Variants in PLXDC2 observed in about 807,000 individuals in gnomAD.
The protein encoded by PLXDC2 is plexin domain containing 2, also known as plexin domain-containing protein 2.
Under a neutral mutation model 68.9 loss-of-function variants are expected in PLXDC2, and 40 were observed. The observed-to-expected ratio is 0.58, with a 90% CI of 0.45 to 0.76. The LOEUF (loss-of-function observed/expected upper bound fraction) is 0.76. PLXDC2 is among the 30% of genes least tolerant of loss of function. The pLI, the probability that PLXDC2 is intolerant of heterozygous loss-of-function variation, is 0.00. For missense variants in PLXDC2, 644 were observed against 661.9 expected (o/e 0.97, Z 0.30); for synonymous variants, 243 against 234.2 (o/e 1.04, Z -0.34).
Position 20,217,589 on chromosome 10 carries a change from TAG to T in PLXDC2, c.1273+14_1273+15del. On this transcript the variant is annotated intron_variant, in intron 11 of 13. Coordinates refer to ENST00000377252, the MANE Select transcript of PLXDC2 (RefSeq NM_032812.9). ...CTCCCTACAGAAGGTACCCAAGAGA[TAG>T]TTTGCTTTTTTTTTTTTTTTTTTTT... 7.4e-7 allele frequency: 1 copy of T among 1,359,022 alleles called. No individual in the cohort carries two copies. The highest frequency in any genetic ancestry group is 2.6e-5 in the Admixed American group (1 of 37,888). The allele number at this position is 1,359,022 out of a possible 1,614,324, so 84.2% of individuals were successfully genotyped here.
chr10:19,928,356 T>C (rs1223673039), intron 1 of PLXDC2, among the ~76,000 whole-genome samples: 1 of 152,168 alleles, frequency 6.6e-6, no homozygotes, highest in African/African-American at 2.4e-5. Context: ...GGGGAGAAAG[T>C]TGGGACAAAC....
At chr10:20,082,644 G>A (rs528515547) in intron 4 of PLXDC2, among the ~76,000 whole-genome samples, 6 of 152,188 alleles carry the variant, frequency 3.9e-5, no homozygotes, top group Admixed American at 2.0e-4. Flanking sequence ...ACAATGTATC[G>A]TTATCCACTA....
intron 4 of PLXDC2, among the ~76,000 whole-genome samples, chr10:20,127,598 A>G (rs1161661019): frequency 6.6e-6 from 1 of 152,198 alleles, no homozygotes; most frequent in Non-Finnish European, 1.5e-5. Flanking sequence ...TCCTATCCAA[A>G]GGCAGCCCCC....
chr10:19,846,059 T>A (rs886537830), intron 1 of PLXDC2, among the ~76,000 whole-genome samples: 6 of 152,206 alleles, frequency 3.9e-5, no homozygotes, highest in Admixed American at 6.5e-5. Context: ...TCCTCTTTAT[T>A]TCCAGAATAG....
At chr10:20,063,470 T>G in intron 3 of PLXDC2, among the ~76,000 whole-genome samples, 1 of 152,134 alleles carries the variant, frequency 6.6e-6, no homozygotes, top group East Asian at 1.9e-4. Flanking sequence ...ATTAGAAGGC[T>G]TCTGTATTCA....
intron 1 of PLXDC2, among the ~76,000 whole-genome samples, chr10:19,991,154 G>A (rs1834742273): frequency 6.6e-6 from 1 of 151,476 alleles, no homozygotes; most frequent in Non-Finnish European, 1.5e-5. Context: ...GTTCAGGTAG[G>A]AGAACTGCTT....
chr10:20,187,447 A>G (rs548405918), intron 9 of PLXDC2, among the ~76,000 whole-genome samples: 4 of 151,864 alleles, frequency 2.6e-5, no homozygotes, highest in Non-Finnish European at 4.4e-5. Flanking sequence ...TATAATTAAC[A>G]TATCAATCAC....
At chr10:19,897,447 G>A (rs1013628710) in intron 1 of PLXDC2, among the ~76,000 whole-genome samples, 2 of 151,870 alleles carry the variant, frequency 1.3e-5, no homozygotes, top group East Asian at 1.9e-4. Context: ...GTTTCTCCAC[G>A]TTAGTCAGGC....
intron 1 of PLXDC2, among the ~76,000 whole-genome samples, chr10:19,932,027 T>C (rs989246583): frequency 1.3e-5 from 2 of 152,080 alleles, no homozygotes; most frequent in South Asian, 4.1e-4. Flanking sequence ...CCTGAAGAAC[T>C]TGCATGACTG....
intron 9 of PLXDC2, among the ~76,000 whole-genome samples, chr10:20,190,982 G>C (rs184898475): frequency 1.3e-5 from 2 of 151,886 alleles, no homozygotes; most frequent in East Asian, 3.9e-4. Context: ...TTTCTGTCCA[G>C]TTCTGAGTCG....
chr10:20,162,790 G>A (rs370211503), intron 6 of PLXDC2, among the ~76,000 whole-genome samples: 2 of 151,704 alleles, frequency 1.3e-5, no homozygotes, highest in Non-Finnish European at 2.9e-5. Flanking sequence ...TCAGCCAGGC[G>A]CAGTAGCTCA....
At chr10:19,931,917 G>T (rs927826) in intron 1 of PLXDC2, among the ~76,000 whole-genome samples, 113,179 of 151,932 alleles carry the variant, frequency 0.74, 42,619 homozygotes, top group African/African-American at 0.85. Context: ...TAATGAAGTT[G>T]AATTTCAAAA....
At chr10:20,231,253 A>G (rs1440247024) in intron 12 of PLXDC2, among the ~76,000 whole-genome samples, 1 of 149,932 alleles carries the variant, frequency 6.7e-6, no homozygotes, top group African/African-American at 2.4e-5. Flanking sequence ...ATAAATATAT[A>G]TGAATATTGA....
intron 1 of PLXDC2, among the ~76,000 whole-genome samples, chr10:19,897,350 C>T (rs1176730888): frequency 6.6e-6 from 1 of 152,092 alleles, no homozygotes. Context: ...AGCAATTCTC[C>T]TGCCTCAGCC....
At chr10:19,922,373 G>T (rs1833474315) in intron 1 of PLXDC2, among the ~76,000 whole-genome samples, 1 of 152,198 alleles carries the variant, frequency 6.6e-6, no homozygotes, top group Admixed American at 6.5e-5. Flanking sequence ...GTGTGTTGGT[G>T]TAGAGAGGCA....
intron 12 of PLXDC2, among the ~76,000 whole-genome samples, chr10:20,229,467 C>T (rs1835331124): frequency 1.5e-5 from 2 of 132,138 alleles, no homozygotes; most frequent in South Asian, 2.5e-4. Flanking sequence ...TTCACGTGTG[C>T]TTGAATTAGC....
intron 1 of PLXDC2, among the ~76,000 whole-genome samples, chr10:19,889,608 T>C (rs2131358471): frequency 6.6e-6 from 1 of 152,350 alleles, no homozygotes; most frequent in South Asian, 2.1e-4. Flanking sequence ...TTTCCCTATC[T>C]GTGGCCTTTC....
chr10:19,853,562 T>C (rs1034208575), intron 1 of PLXDC2, among the ~76,000 whole-genome samples: 2 of 151,896 alleles, frequency 1.3e-5, no homozygotes, highest in African/African-American at 4.8e-5. Context: ...AGCCTCTCCT[T>C]ATTCCTCTTC....
intron 12 of PLXDC2, among the ~76,000 whole-genome samples, chr10:20,223,417 A>G (rs142777288): frequency 0.018 from 2,703 of 149,102 alleles, 87 homozygotes; most frequent in African/African-American, 0.062. Flanking sequence ...GGTTCAAGCG[A>G]TTCTCCTGCC....
Sources: gnomAD v4.1 joint callset for allele counts (sites outside exome capture counted in the v4.1 genomes callset) on GRCh38, gnomAD v4.1.1 for gene constraint, MANE v1.5 for transcripts, NCBI Gene and HGNC (gene_info 2026-07-23, HGNC 2026-07-21) for gene names.